The following ABTB3 variants were observed in gnomAD, a reference collection of about 807,000 sequenced individuals.
ABTB3 encodes ankyrin repeat- and BTB/POZ domain-containing protein 3.
the ABTB3 span, chr12:107,617,249 G>A: frequency 1.2e-6 from 2 of 1,613,728 alleles, no homozygotes; most frequent in Non-Finnish European, 1.7e-6. Context: ...AAGTGCCTGT[G>A]ACTATATTTT....
the ABTB3 span, among the ~76,000 whole-genome samples, chr12:107,547,261 G>GAACAAC: frequency 2.6e-4 from 40 of 152,080 alleles, no homozygotes; most frequent in Admixed American, 2.4e-3. Flanking sequence ...GGAAGAAGAA[G>GAACAAC]AACAACAACA....
chr12:107,548,280 A>G, the ABTB3 span, among the ~76,000 whole-genome samples: 5 of 152,176 alleles, frequency 3.3e-5, no homozygotes, highest in African/African-American at 4.8e-5. Context: ...TGATGCTTAT[A>G]TGGTTTTCCT....
chr12:107,586,635 C>G, the ABTB3 span, among the ~76,000 whole-genome samples: 2 of 152,238 alleles, frequency 1.3e-5, no homozygotes, highest in African/African-American at 2.4e-5. Context: ...AAACTGCCCT[C>G]TCCCTGATCC....
At chr12:107,581,249 C>A in the ABTB3 span, 2 of 1,519,142 alleles carry the variant, frequency 1.3e-6, no homozygotes, top group Non-Finnish European at 1.8e-6. Context: ...CGACGACGTC[C>A]GCCAGGCGGC....
At chr12:107,522,477 A>G in the ABTB3 span, among the ~76,000 whole-genome samples, 1 of 152,164 alleles carries the variant, frequency 6.6e-6, no homozygotes, top group Non-Finnish European at 1.5e-5. Flanking sequence ...AATCAATTTT[A>G]GAACATTTTT....
chr12:107,506,382 G>A, the ABTB3 span, among the ~76,000 whole-genome samples: 1 of 152,124 alleles, frequency 6.6e-6, no homozygotes, highest in Non-Finnish European at 1.5e-5. Context: ...TTGAAAAACT[G>A]GGAAAACATG....
chr12:107,602,298 G>T, the ABTB3 span, among the ~76,000 whole-genome samples: 1 of 152,316 alleles, frequency 6.6e-6, no homozygotes, highest in South Asian at 2.1e-4. Context: ...TGTGATTCTG[G>T]TGGTATTTGT....
the ABTB3 span, among the ~76,000 whole-genome samples, chr12:107,352,862 G>A: frequency 1.8e-4 from 28 of 152,258 alleles, no homozygotes; most frequent in African/African-American, 6.0e-4. Flanking sequence ...GATGCCACTG[G>A]CCTATATGAA....
chr12:107,611,949 TC>T, the ABTB3 span, among the ~76,000 whole-genome samples: 1 of 152,232 alleles, frequency 6.6e-6, no homozygotes, highest in Non-Finnish European at 1.5e-5. Flanking sequence ...CAATTATATG[TC>T]CCCAAGGCTG....
the ABTB3 span, among the ~76,000 whole-genome samples, chr12:107,476,913 C>T: frequency 6.6e-6 from 1 of 151,934 alleles, no homozygotes; most frequent in Non-Finnish European, 1.5e-5. Flanking sequence ...ATGCATGTAG[C>T]CAATAGGATA....
chr12:107,363,506 C>T, the ABTB3 span, among the ~76,000 whole-genome samples: 45 of 152,276 alleles, frequency 3.0e-4, no homozygotes, highest in Non-Finnish European at 5.6e-4. Flanking sequence ...ACTAATTAAA[C>T]TTTTAATTGT....
At chr12:107,368,350 G>A in the ABTB3 span, among the ~76,000 whole-genome samples, 1 of 152,164 alleles carries the variant, frequency 6.6e-6, no homozygotes, top group African/African-American at 2.4e-5. Context: ...CAAGTCACAT[G>A]GCCATTCTCC....
chr12:107,320,349 C>T, the ABTB3 span, among the ~76,000 whole-genome samples: 1 of 152,252 alleles, frequency 6.6e-6, no homozygotes, highest in African/African-American at 2.4e-5. Flanking sequence ...CTCCAGCAGG[C>T]AGTGAGCAAA....
At chr12:107,506,751 G>C in the ABTB3 span, among the ~76,000 whole-genome samples, 1 of 152,170 alleles carries the variant, frequency 6.6e-6, no homozygotes, top group Non-Finnish European at 1.5e-5. Flanking sequence ...TTTAGGGCTT[G>C]TATGGTGTTT....
chr12:107,489,020 G>A, the ABTB3 span, among the ~76,000 whole-genome samples: 1 of 152,142 alleles, frequency 6.6e-6, no homozygotes, highest in Non-Finnish European at 1.5e-5. Context: ...CCAAAAAGGA[G>A]TACAAAGGCA....
chr12:107,591,496 AACTC>A, the ABTB3 span, among the ~76,000 whole-genome samples: 1 of 152,070 alleles, frequency 6.6e-6, no homozygotes, highest in African/African-American at 2.4e-5. Context: ...ATCTTATGAG[AACTC>A]ACTCACTATC....
At chr12:107,404,613 TG>T in the ABTB3 span, among the ~76,000 whole-genome samples, 2 of 152,218 alleles carry the variant, frequency 1.3e-5, no homozygotes, top group African/African-American at 4.8e-5. Context: ...TTGCTGGATT[TG>T]GCTCTCCCGG....
chr12:107,407,439 G>T, the ABTB3 span, among the ~76,000 whole-genome samples: 4 of 152,212 alleles, frequency 2.6e-5, no homozygotes, highest in East Asian at 1.9e-4. Context: ...ATCCAAGAAG[G>T]CTTGGCCCCT....
the ABTB3 span, among the ~76,000 whole-genome samples, chr12:107,571,467 C>CA: frequency 6.6e-6 from 1 of 152,256 alleles, no homozygotes; most frequent in African/African-American, 2.4e-5. Context: ...GAAGCAGGCC[C>CA]ACATGGCCCC....
Sources: allele counts gnomAD v4.1 joint callset (sites outside exome capture counted in the v4.1 genomes callset), GRCh38; gene constraint gnomAD v4.1.1; transcripts MANE v1.5; gene names NCBI Gene and HGNC (gene_info 2026-07-23, HGNC 2026-07-21).